Variants in ZNF354B observed in about 807,000 individuals in gnomAD.
ZNF354B encodes zinc finger protein 354B.
ZNF354B carries 10 observed loss-of-function variants against 12.9 expected under a neutral mutation model. The ratio of observed to expected loss-of-function variants is 0.77; its 90% CI spans 0.48 to 1.31. The LOEUF (loss-of-function observed/expected upper bound fraction) is 1.31, where lower values mean the gene tolerates loss of function less well. Ranked by LOEUF, ZNF354B falls within the 40% of genes most tolerant of loss-of-function variation. ZNF354B has a pLI of 0.00. For synonymous variants in ZNF354B, 260 were observed against 243.7 expected, an observed-to-expected ratio of 1.07 and a Z score of -0.62; for missense variants, 614 against 711.7, an observed-to-expected ratio of 0.86 and a Z score of 1.56.
chr5:178,878,219 TAA>T (rs1757665774), intron 4 of ZNF354B, among the ~76,000 whole-genome samples: 1 of 150,828 alleles, frequency 6.6e-6, no homozygotes, highest in African/African-American at 2.4e-5. Flanking sequence ...CCGTCTCTAC[TAA>T]AAATACAAAA....
At chr5:178,879,894 A>G (rs1757692939) in intron 4 of ZNF354B, among the ~76,000 whole-genome samples, 1 of 151,934 alleles carries the variant, frequency 6.6e-6, no homozygotes, top group East Asian at 1.9e-4. Flanking sequence ...TTGAGAGGCC[A>G]AGGTGGGTGG....
Position 178,884,922 on chromosome 5 carries a change from G to A in ZNF354B, c.*631G>A, listed in dbSNP as rs989513275. The A allele has an allele frequency of 6.6e-6, 1 of 152,082 alleles. No individual in the cohort carries two copies. The highest frequency in any genetic ancestry group is 1.5e-5 in the Non-Finnish European group (1 of 68,024). The allele number at this position is 152,082 out of a possible 1,614,324, so 9.4% of individuals were successfully genotyped here. A position where few individuals can be genotyped will look rare whatever the true frequency, so the allele number is the denominator to read the frequency against. On this transcript the variant is annotated 3_prime_UTR_variant, in exon 5 of 5. Transcript: ENST00000322434. ...CAGTATTAGAGCAAAGGACCAATAA[G>A]AGATAAAAACTAACTGAACTACCTC...
chr5:178,866,303 G>A lies in ZNF354B; in HGVS notation c.93G>A (p.Leu31=), dbSNP rs772754677. 2 of 1,614,116 alleles carry A rather than the reference G, an allele frequency of 1.2e-6. No homozygotes were observed. The highest frequency in any genetic ancestry group is 1.7e-6 in the Non-Finnish European group (2 of 1,179,998). ...VLFTWDEWRK[L]APSQRNLYRD... ...TTACCTGGGATGAGTGGAGAAAGCT[G>A]GCTCCTTCTCAGAGAAACTTGTACC... The change falls in exon 3 of 5, where the codon CTG becomes CTA. Residue 31 remains leucine, a synonymous_variant. Coordinates refer to ENST00000322434, the MANE Select transcript of ZNF354B (RefSeq NM_058230.3).
At position 178,883,456 on chromosome 5, in the gene ZNF354B, C is replaced by T. The variant is rs1180035852; in HGVS notation, c.1004C>T (p.Ser335Phe). 1 of 1,613,958 alleles carries T rather than the reference C, an allele frequency of 6.2e-7. No homozygotes were observed. The highest frequency in any genetic ancestry group is 8.5e-7 in the Non-Finnish European group (1 of 1,179,978). ...AAATACAATCCAGGCAGGAAGGCAT[C>T]CAGTTACAGCACTTCCCTTTCTGGA... is the stretch of plus-strand genomic sequence containing the variant. ...PHKYNPGRKA[S>F]SYSTSLSGSQ... is the part of the protein sequence containing the mutation. The change falls in exon 5 of 5, where the codon TCC (serine) becomes TTC (phenylalanine). Residue 335 changes from serine (S) to phenylalanine (F), a missense_variant. Transcript: ENST00000322434.
At chr5:178,870,949 C>G (rs180683157) in intron 4 of ZNF354B, among the ~76,000 whole-genome samples, 122 of 152,264 alleles carry the variant, frequency 8.0e-4, no homozygotes, top group Middle Eastern at 6.8e-3. Flanking sequence ...CCTGAACCAC[C>G]GCACCTACCC....
chr5:178,873,979 TCACA>T (rs1757600017), intron 4 of ZNF354B, among the ~76,000 whole-genome samples: 1 of 148,896 alleles, frequency 6.7e-6, no homozygotes, highest in African/African-American at 2.5e-5. Context: ...AGATGGAGTC[TCACA>T]CACTCTGCTG....
intron 3 of ZNF354B, 35 bp from the exon 4 acceptor site, chr5:178,866,941 C>CT (rs1757469069): frequency 6.2e-7 from 1 of 1,600,342 alleles, no homozygotes. Context: ...AAAACGAAGA[C>CT]TGAGACTTTT....
intron 2 of ZNF354B, among the ~76,000 whole-genome samples, chr5:178,864,823 G>A (rs1406441866): frequency 5.3e-5 from 8 of 151,836 alleles, no homozygotes; most frequent in African/African-American, 1.5e-4. Context: ...GGGTTTCACC[G>A]TGTTGCCCAG....
chr5:178,885,008 A>G lies in ZNF354B; in HGVS notation c.*717A>G, dbSNP rs564696987. The G allele has an allele frequency of 7.2e-5, 11 of 152,340 alleles. No homozygotes were observed. The South Asian group carries it at 2.3e-3, about 32-fold the overall frequency. 9.4% of individuals were successfully genotyped at this position (152,340 alleles called of 1,614,324 possible). Reference sequence around the variant, plus strand: ...TCAAACTTCGTGCATGGCTTTTATTAAAAAAGAAAAAATCTGTTCTCTTCT... The same window carrying G: ...TCAAACTTCGTGCATGGCTTTTATTGAAAAAGAAAAAATCTGTTCTCTTCT... On this transcript the variant is annotated 3_prime_UTR_variant, in exon 5 of 5. Transcript: ENST00000322434.
chr5:178,863,509 C>G (rs1035182509), intron 2 of ZNF354B, among the ~76,000 whole-genome samples: 1 of 152,160 alleles, frequency 6.6e-6, no homozygotes, highest in Non-Finnish European at 1.5e-5. Context: ...TACCATGCAG[C>G]CTGCCAGTCC....
intron 4 of ZNF354B, among the ~76,000 whole-genome samples, chr5:178,879,505 G>C (rs1215566920): frequency 6.6e-6 from 1 of 152,008 alleles, no homozygotes; most frequent in African/African-American, 2.4e-5. Context: ...TCAGCCTCCT[G>C]AGTAGCTGGG....
chr5:178,862,951 A>G (rs2114005702), intron 2 of ZNF354B, among the ~76,000 whole-genome samples: 1 of 152,314 alleles, frequency 6.6e-6, no homozygotes, highest in African/African-American at 2.4e-5. Context: ...AGAGTTCACA[A>G]TTAGAAAACC....
chr5:178,863,607 ATTC>A (rs1157952371), intron 2 of ZNF354B, among the ~76,000 whole-genome samples: 1 of 152,218 alleles, frequency 6.6e-6, no homozygotes, highest in Non-Finnish European at 1.5e-5. Context: ...TTATTGTACT[ATTC>A]TTGTTATTTT....
Position 178,883,395 on chromosome 5 carries a change from A to G in ZNF354B, c.943A>G (p.Ile315Val), listed in dbSNP as rs757572382. The G allele has an allele frequency of 5.0e-6, 8 of 1,614,044 alleles. No individual in the cohort carries two copies. Among genetic ancestry groups the G allele is most frequent in the Non-Finnish European group, 6.8e-6 (8 of 1,180,008 alleles). ...CTTCAGTCGAAGGTCTGGGCTTTTT[A>G]TACATCAAAAAATCCATGCTCAAGA... Reference protein sequence around the residue: ...KSFSRRSGLFIHQKIHAQENP... With the variant: ...KSFSRRSGLFVHQKIHAQENP... Residue 315 changes from isoleucine (I) to valine (V), a missense_variant, in exon 5 of 5, where the codon ATA becomes GTA. Transcript: ENST00000322434.
At chr5:178,872,998 G>C (rs1386061575) in intron 4 of ZNF354B, among the ~76,000 whole-genome samples, 1 of 152,128 alleles carries the variant, frequency 6.6e-6, no homozygotes, top group African/African-American at 2.4e-5. Context: ...TTATTGGCCA[G>C]GCTGGTCTCA....
At chr5:178,870,032 C>G (rs1757537818) in intron 4 of ZNF354B, among the ~76,000 whole-genome samples, 1 of 152,116 alleles carries the variant, frequency 6.6e-6, no homozygotes, top group South Asian at 2.1e-4. Context: ...AACCTGTAGG[C>G]TGGGTGAGGT....
Position 178,883,305 on chromosome 5 carries a change from C to T in ZNF354B, c.853C>T (p.Leu285Phe). 1 of 1,613,974 alleles carries T rather than the reference C, an allele frequency of 6.2e-7. No individual in the cohort carries two copies. Among genetic ancestry groups the T allele is most frequent in the East Asian group, 2.2e-5 (1 of 44,864 alleles). The change falls in exon 5 of 5, where the codon CTT (leucine) becomes TTT (phenylalanine). Residue 285 changes from leucine to phenylalanine, a missense_variant. Leu to Phe is a conservative substitution (Grantham distance 22). Coordinates refer to ENST00000322434, the MANE Select transcript of ZNF354B (RefSeq NM_058230.3). The part of the protein sequence containing the change: ...CGKAFSHSAS[L>F]CKHLRTHTVE... Reference sequence around the variant, plus strand: ...GAAAGCCTTCAGCCATAGTGCATCCCTTTGTAAGCATTTAAGGACCCATAC... The same window carrying T: ...GAAAGCCTTCAGCCATAGTGCATCCTTTTGTAAGCATTTAAGGACCCATAC...
chr5:178,871,322 C>T (rs1430959437), intron 4 of ZNF354B, among the ~76,000 whole-genome samples: 2 of 152,194 alleles, frequency 1.3e-5, no homozygotes, highest in East Asian at 3.9e-4. Flanking sequence ...GGCCTCTGCC[C>T]TGCTTTTTTC....
At chr5:178,872,877 C>G (rs182401302) in intron 4 of ZNF354B, among the ~76,000 whole-genome samples, 6 of 152,144 alleles carry the variant, frequency 3.9e-5, no homozygotes, top group Non-Finnish European at 7.4e-5. Flanking sequence ...ATGTCTGACT[C>G]CTGGGTTCAA....
Sources: allele counts gnomAD v4.1 joint callset (sites outside exome capture counted in the v4.1 genomes callset), GRCh38; gene constraint gnomAD v4.1.1; transcripts MANE v1.5; gene names NCBI Gene and HGNC (gene_info 2026-07-23, HGNC 2026-07-21).